The following WWOX variants were observed in gnomAD, a reference collection of about 807,000 sequenced individuals.
WWOX encodes WW domain-containing oxidoreductase.
In WWOX, 69 loss-of-function variants were observed where a neutral mutation model predicts 46.2. That is an observed-to-expected ratio of 1.49 (90% CI 1.23 to 1.82). The LOEUF is 1.82. Ranked by LOEUF, WWOX falls within the 40% of genes most tolerant of loss-of-function variation. WWOX has a pLI of 0.00. For synonymous variants in WWOX, 359 were observed against 202.6 expected, an observed-to-expected ratio of 1.77 and a Z score of -6.56; for missense variants, 919 against 542.6, an observed-to-expected ratio of 1.69 and a Z score of -6.89.
At chr16:78,662,130 A>G (rs2142174986) in intron 8 of WWOX, among the ~76,000 whole-genome samples, 1 of 152,296 alleles carries the variant, frequency 6.6e-6, no homozygotes, top group Middle Eastern at 3.4e-3. Context: ...TGGGGTTTGC[A>G]GTAAGCTAGG....
At chr16:78,766,182 G>C (rs774507780) in intron 8 of WWOX, among the ~76,000 whole-genome samples, 1 of 152,220 alleles carries the variant, frequency 6.6e-6, no homozygotes, top group South Asian at 2.1e-4. Flanking sequence ...GACATACTGC[G>C]TGCCTTGGCC....
At chr16:78,618,602 G>A (rs955305220) in intron 8 of WWOX, among the ~76,000 whole-genome samples, 1 of 152,156 alleles carries the variant, frequency 6.6e-6, no homozygotes, top group Non-Finnish European at 1.5e-5. Context: ...GGTACTGGGG[G>A]TTTGGGCTTC....
chr16:78,356,059 A>ATTCTTCTTTTTTTT (rs2081279281), intron 5 of WWOX, among the ~76,000 whole-genome samples: 1 of 73,200 alleles, frequency 1.4e-5, no homozygotes, highest in Admixed American at 1.7e-4. Flanking sequence ...GACCACCAAG[A>ATTCTTCTTTTTTTT]TTTTTTTTTC....
chr16:78,870,753 C>T (rs1238279404), intron 8 of WWOX, among the ~76,000 whole-genome samples: 1 of 152,118 alleles, frequency 6.6e-6, no homozygotes, highest in Non-Finnish European at 1.5e-5. Context: ...AGGTGCATGC[C>T]ACCATGCCCA....
intron 5 of WWOX, among the ~76,000 whole-genome samples, chr16:78,386,122 A>T (rs1029651115): frequency 6.6e-5 from 10 of 152,164 alleles, no homozygotes; most frequent in African/African-American, 2.4e-4. Context: ...TCAATTTCCT[A>T]TCTCTGTGAT....
intron 8 of WWOX, among the ~76,000 whole-genome samples, chr16:78,754,842 C>G (rs1001509025): frequency 6.6e-5 from 10 of 152,250 alleles, no homozygotes; most frequent in African/African-American, 2.2e-4. Flanking sequence ...GCTGTACTAC[C>G]TCAGCTGGTG....
At chr16:78,196,831 C>G (rs1034386656) in intron 5 of WWOX, among the ~76,000 whole-genome samples, 24 of 152,214 alleles carry the variant, frequency 1.6e-4, no homozygotes, top group African/African-American at 5.5e-4. Context: ...AATGTACTCT[C>G]TGATCATTTT....
At chr16:78,600,506 C>G (rs937637376) in intron 8 of WWOX, among the ~76,000 whole-genome samples, 2 of 152,134 alleles carry the variant, frequency 1.3e-5, no homozygotes, top group African/African-American at 4.8e-5. Context: ...GTTAAAGCAT[C>G]CATGTTTACA....
At chr16:78,331,038 A>G (rs146890322) in intron 5 of WWOX, among the ~76,000 whole-genome samples, 110 of 152,304 alleles carry the variant, frequency 7.2e-4, no homozygotes, top group African/African-American at 2.5e-3. Flanking sequence ...TAAACCATTC[A>G]TGTAGTAAAT....
intron 5 of WWOX, chr16:78,278,525 T>G: frequency 5.0e-6 from 7 of 1,402,274 alleles, no homozygotes; most frequent in Non-Finnish European, 6.9e-6. Context: ...AACTTATCTT[T>G]GGAATGCTTC....
intron 8 of WWOX, among the ~76,000 whole-genome samples, chr16:78,700,151 T>C (rs546992956): frequency 6.6e-6 from 1 of 152,080 alleles, no homozygotes; most frequent in African/African-American, 2.4e-5. Flanking sequence ...CAGGCTGCTA[T>C]AACAGAATAC....
chr16:78,843,516 A>G (rs1384630590), intron 8 of WWOX, among the ~76,000 whole-genome samples: 2 of 150,030 alleles, frequency 1.3e-5, no homozygotes, highest in South Asian at 2.2e-4. Context: ...CAAACCCACA[A>G]ATGACATGTT....
At chr16:78,573,363 C>G (rs2044766933) in intron 8 of WWOX, among the ~76,000 whole-genome samples, 1 of 152,180 alleles carries the variant, frequency 6.6e-6, no homozygotes, top group Non-Finnish European at 1.5e-5. Context: ...GTATCAGATA[C>G]TTGGCTGTTT....
At chr16:78,909,183 C>T (rs941675224) in intron 8 of WWOX, among the ~76,000 whole-genome samples, 3 of 152,140 alleles carry the variant, frequency 2.0e-5, no homozygotes, top group South Asian at 2.1e-4. Context: ...TAATTTTCTC[C>T]GTTATAATTT....
At chr16:78,837,671 AG>A (rs892720641) in intron 8 of WWOX, among the ~76,000 whole-genome samples, 1 of 152,214 alleles carries the variant, frequency 6.6e-6, no homozygotes, top group African/African-American at 2.4e-5. Context: ...TCTTATACCA[AG>A]AAAGAGGGGC....
chr16:78,682,007 T>G (rs1393118213), intron 8 of WWOX, among the ~76,000 whole-genome samples: 1 of 152,160 alleles, frequency 6.6e-6, no homozygotes, highest in Non-Finnish European at 1.5e-5. Context: ...GAGCAGTGAT[T>G]TTTAAAAGTC....
At chr16:78,406,648 A>T (rs1241754098) in intron 6 of WWOX, among the ~76,000 whole-genome samples, 5 of 126,194 alleles carry the variant, frequency 4.0e-5, no homozygotes, top group African/African-American at 1.3e-4. Flanking sequence ...TTTTTGAGAG[A>T]TGGAGTGTCA....
chr16:79,121,340 G>A (rs1334654665), intron 8 of WWOX, among the ~76,000 whole-genome samples: 2 of 152,176 alleles, frequency 1.3e-5, no homozygotes, highest in South Asian at 2.1e-4. Context: ...GTCGCAGTCA[G>A]TACCAGCTGC....
chr16:78,891,082 G>C (rs2044580102), intron 8 of WWOX: 1 of 152,108 alleles, frequency 6.6e-6, no homozygotes, highest in Non-Finnish European at 1.5e-5. Context: ...AGTGATCCTG[G>C]ATGAATGAAT....
Sources: gnomAD v4.1 joint callset for allele counts (sites outside exome capture counted in the v4.1 genomes callset) on GRCh38, gnomAD v4.1.1 for gene constraint, MANE v1.5 for transcripts, NCBI Gene and HGNC (gene_info 2026-07-23, HGNC 2026-07-21) for gene names.